Variants in RSRC1 observed in about 807,000 individuals in gnomAD.
The protein encoded by RSRC1 is serine/Arginine-related protein 53.
RSRC1 carries 39 observed loss-of-function variants against 49.1 expected under a neutral mutation model. The ratio of observed to expected loss-of-function variants is 0.79; its 90% confidence interval spans 0.61 to 1.04. RSRC1 has a LOEUF of 1.04. Ranked by LOEUF, RSRC1 falls within the 50% of genes least tolerant of loss-of-function variation. The pLI is 0.00. For synonymous variants in RSRC1, 143 were observed against 130.8 expected (o/e 1.09, Z -0.63); for missense variants, 388 against 402.4 (o/e 0.96, Z 0.31).
chr3:158,297,587 C>T (rs867477671), intron 4 of RSRC1, among the ~76,000 whole-genome samples: 3 of 151,640 alleles, frequency 2.0e-5, no homozygotes, highest in Non-Finnish European at 2.9e-5. Context: ...TTTATAAAAA[C>T]GCAACCATTG....
At chr3:158,421,328 T>C (rs1448581752) in intron 6 of RSRC1, among the ~76,000 whole-genome samples, 1 of 151,860 alleles carries the variant, frequency 6.6e-6, no homozygotes, top group East Asian at 1.9e-4. Context: ...TCAAAAACTA[T>C]TGTAGGTTGT....
intron 6 of RSRC1, among the ~76,000 whole-genome samples, chr3:158,423,205 T>A (rs1311868646): frequency 6.6e-6 from 1 of 152,160 alleles, no homozygotes; most frequent in Non-Finnish European, 1.5e-5. Flanking sequence ...TTTTTATGGT[T>A]TTAGGTCTAA....
chr3:158,303,196 A>C (rs1346551227), intron 5 of RSRC1: 8 of 152,246 alleles, frequency 5.3e-5, no homozygotes, highest in Non-Finnish European at 1.0e-4. Flanking sequence ...AAATGATGCT[A>C]TCCTTTTCTC....
At chr3:158,350,178 A>ATTT (rs1294069975) in intron 5 of RSRC1, among the ~76,000 whole-genome samples, 81 of 79,616 alleles carry the variant, frequency 1.0e-3, no homozygotes, top group African/African-American at 3.3e-3. Context: ...ATATATATAT[A>ATTT]ATTTTTTTTT....
chr3:158,349,446 C>G (rs1409199394), intron 5 of RSRC1, among the ~76,000 whole-genome samples: 1 of 151,958 alleles, frequency 6.6e-6, no homozygotes, highest in Non-Finnish European at 1.5e-5. Flanking sequence ...CTTCTGTAAA[C>G]CCAAGGCTTA....
intron 4 of RSRC1, among the ~76,000 whole-genome samples, chr3:158,224,657 T>C (rs1454315591): frequency 6.6e-6 from 1 of 151,798 alleles, no homozygotes; most frequent in African/African-American, 2.4e-5. Context: ...AGAATCAGAA[T>C]TGGAGTCTTT....
chr3:158,465,210 G>A (rs1287799923), intron 7 of RSRC1, among the ~76,000 whole-genome samples: 1 of 152,034 alleles, frequency 6.6e-6, no homozygotes, highest in East Asian at 1.9e-4. Flanking sequence ...CGGACTGCCT[G>A]GTCAATGTAA....
chr3:158,429,657 A>G (rs1430030774), intron 6 of RSRC1, among the ~76,000 whole-genome samples: 1 of 151,060 alleles, frequency 6.6e-6, no homozygotes, highest in African/African-American at 2.4e-5. Flanking sequence ...TGATCTTAAA[A>G]AAAAACAACA....
chr3:158,220,464 A>G (rs888704739), intron 4 of RSRC1, among the ~76,000 whole-genome samples: 22 of 151,506 alleles, frequency 1.5e-4, no homozygotes, highest in African/African-American at 5.3e-4. Flanking sequence ...CTAAAACCAT[A>G]TATTCTATGA....
chr3:158,400,642 G>A (rs185114011), intron 6 of RSRC1, among the ~76,000 whole-genome samples: 1 of 152,022 alleles, frequency 6.6e-6, no homozygotes, highest in Non-Finnish European at 1.5e-5. Flanking sequence ...AATAAAAAAG[G>A]TTAACACATA....
chr3:158,165,086 G>A (rs995390531), intron 3 of RSRC1, among the ~76,000 whole-genome samples: 1 of 152,130 alleles, frequency 6.6e-6, no homozygotes, highest in South Asian at 2.1e-4. Flanking sequence ...GGCTAGTTAG[G>A]GTTTTGAGAG....
intron 6 of RSRC1, among the ~76,000 whole-genome samples, chr3:158,431,486 G>A (rs1735769082): frequency 1.3e-5 from 2 of 151,774 alleles, no homozygotes; most frequent in South Asian, 4.2e-4. Flanking sequence ...TTTAAAATTA[G>A]ACTAAGTTTC....
chr3:158,247,058 C>T (rs971811992), intron 4 of RSRC1, among the ~76,000 whole-genome samples: 3 of 151,932 alleles, frequency 2.0e-5, no homozygotes, highest in African/African-American at 7.3e-5. Flanking sequence ...TTGTATTTCT[C>T]GGAGGATTGT....
At chr3:158,162,710 G>T (rs115575459) in intron 3 of RSRC1, among the ~76,000 whole-genome samples, 393 of 152,222 alleles carry the variant, frequency 2.6e-3, no homozygotes, top group Non-Finnish European at 4.1e-3. Context: ...ATATTCTGAG[G>T]GGCTGATATC....
In RSRC1 at chr3:158,326,161, C is replaced by T. The variant is rs529052813; in HGVS notation, c.531+28086C>T. 7.5e-3 allele frequency among the ~76,000 whole-genome samples: 1,141 copies of T among 152,270 alleles called. 13 individuals are homozygous for T. The highest frequency in any genetic ancestry group is 0.026 in the African/African-American group (1,084 of 41,562). On this transcript the variant is annotated intron_variant, in intron 5 of 9. Transcript: ENST00000611884. The stretch of plus-strand genomic sequence containing the variant: ...CGATGGGGTTTTCTAGATATACAAT[C>T]ATGTCATCTGCAAACAGGGACAATT...
At chr3:158,455,976 T>C (rs1379927254) in intron 6 of RSRC1, among the ~76,000 whole-genome samples, 2 of 45,226 alleles carry the variant, frequency 4.4e-5, no homozygotes, top group Non-Finnish European at 7.7e-5. Context: ...CAAGACTCCA[T>C]CTCAAAAAAA....
intron 3 of RSRC1, among the ~76,000 whole-genome samples, chr3:158,149,618 A>G (rs1036924434): frequency 6.6e-6 from 1 of 152,202 alleles, no homozygotes; most frequent in African/African-American, 2.4e-5. Flanking sequence ...AGGGTAAATT[A>G]TTTGAGAAAA....
chr3:158,411,629 T>TA lies in RSRC1; in HGVS notation c.584-49305dup, dbSNP rs1734470863. The stretch of plus-strand genomic sequence containing the variant: ...AACTGCTAAGCTCAAGCAATCCTCC[T>TA]ACCTCAGCCTCCAGAGACACTGGGA... On this transcript the variant is annotated intron_variant, in intron 6 of 9. Transcript: ENST00000611884. Among the ~76,000 whole-genome samples, 3 of 151,960 alleles carry TA rather than the reference T, an allele frequency of 2.0e-5. No individual in the cohort carries two copies. In the South Asian group the frequency reaches 6.2e-4, roughly 32 times the overall value.
intron 4 of RSRC1, among the ~76,000 whole-genome samples, chr3:158,237,856 G>A (rs745614360): frequency 7.9e-5 from 12 of 152,256 alleles, no homozygotes; most frequent in African/African-American, 2.2e-4. Flanking sequence ...AATAGGAGTC[G>A]TGAGAGAGGG....
Sources: gnomAD v4.1 joint callset for allele counts (sites outside exome capture counted in the v4.1 genomes callset) on GRCh38, gnomAD v4.1.1 for gene constraint, MANE v1.5 for transcripts, NCBI Gene and HGNC (gene_info 2026-07-23, HGNC 2026-07-21) for gene names.